HHLA2: variants seen among roughly 807,000 people sequenced by gnomAD.
HHLA2 encodes HHLA2 member of B7 family.
A neutral mutation model predicts 45.9 loss-of-function variants in HHLA2; 48 were observed. The observed-to-expected ratio is 1.05, with a 90% CI of 0.83 to 1.33. The LOEUF (loss-of-function observed/expected upper bound fraction) is 1.33. Among genes scored for constraint, HHLA2 ranks in the 40% most tolerant of loss-of-function variants. The pLI is 0.00. For synonymous variants in HHLA2, 161 were observed against 173.9 expected, an observed-to-expected ratio of 0.93 and a Z score of 0.59; for missense variants, 462 against 494.3, an observed-to-expected ratio of 0.93 and a Z score of 0.62.
intron 2 of HHLA2, among the ~76,000 whole-genome samples, chr3:108,315,101 A>G (rs1161830279): frequency 6.6e-6 from 1 of 152,158 alleles, no homozygotes; most frequent in Non-Finnish European, 1.5e-5. Flanking sequence ...CACGTTAAGC[A>G]TTTTATCAGA....
chr3:108,353,522 G>A (rs766894660), exon 5 of HHLA2: 1 of 1,612,354 alleles, frequency 6.2e-7, no homozygotes, highest in South Asian at 1.1e-5. Context: ...TTCTTCATTT[G>A]AGAGGGGATC....
At chr3:108,305,488 G>C (rs906035100) in intron 1 of HHLA2, among the ~76,000 whole-genome samples, 1 of 152,168 alleles carries the variant, frequency 6.6e-6, no homozygotes, top group Non-Finnish European at 1.5e-5. Flanking sequence ...CGTTCCTGTT[G>C]GTTAAAATTT....
At chr3:108,355,141 G>A in exon 6 of HHLA2, 1 of 1,613,162 alleles carries the variant, frequency 6.2e-7, no homozygotes, top group Non-Finnish European at 8.5e-7. Flanking sequence ...GATGAAGTAT[G>A]AAAAGAGGAA....
chr3:108,367,296 T>C (rs1241604036), intron 8 of HHLA2, among the ~76,000 whole-genome samples: 1 of 152,080 alleles, frequency 6.6e-6, no homozygotes, highest in Non-Finnish European at 1.5e-5. Flanking sequence ...GAATGCTTCT[T>C]CTCTTCCAAA....
chr3:108,339,752 C>A (rs1210019657), intron 3 of HHLA2, among the ~76,000 whole-genome samples: 3 of 152,116 alleles, frequency 2.0e-5, no homozygotes, highest in African/African-American at 7.2e-5. Flanking sequence ...CTTACGTGGT[C>A]TGCTCCTCTG....
At chr3:108,370,088 G>A (rs1285536171) in intron 8 of HHLA2, among the ~76,000 whole-genome samples, 3 of 152,140 alleles carry the variant, frequency 2.0e-5, no homozygotes, top group Admixed American at 6.5e-5. Flanking sequence ...CACCTCACAC[G>A]GCCGGGTACT....
chr3:108,365,590 A>G (rs2082050449), intron 8 of HHLA2, among the ~76,000 whole-genome samples: 2 of 152,076 alleles, frequency 1.3e-5, no homozygotes, highest in African/African-American at 4.8e-5. Flanking sequence ...TTTGGGCAGT[A>G]TGGCCATTTT....
intron 1 of HHLA2, among the ~76,000 whole-genome samples, chr3:108,308,876 G>A (rs145156321): frequency 1.3e-5 from 2 of 152,164 alleles, no homozygotes; most frequent in Admixed American, 6.5e-5. Flanking sequence ...TTCCTATAGA[G>A]TTATTTGAGC....
intron 9 of HHLA2, 30 bp from the exon 9 acceptor site, chr3:108,376,463 A>T: frequency 6.3e-7 from 1 of 1,577,574 alleles, no homozygotes; most frequent in Non-Finnish European, 8.6e-7. Context: ...CAAAGAAATT[A>T]TTTTTAAGTT....
chr3:108,325,471 T>C, intron 2 of HHLA2: 1 of 378,766 alleles, frequency 2.6e-6, no homozygotes, highest in Non-Finnish European at 5.2e-6. Context: ...TCTCTGGCTC[T>C]CCTCTCCTGT....
rs376120277 is a variant in HHLA2 at position 108,307,566 on chromosome 3, G to A, written c.-191-3089G>A. 1.4e-4 allele frequency among the ~76,000 whole-genome samples: 22 copies of A among 152,014 alleles called. No individual in the cohort carries two copies. The East Asian group carries it at 3.3e-3, about 23-fold the overall frequency. On this transcript the variant is annotated intron_variant, in intron 1 of 10. Transcript: ENST00000619531. ...GGAGAATCACTTGAAACAAGAAGAC[G>A]GAGGTTGCAGTCAGCCAAGATCACG...
chr3:108,353,630 A>G (rs1380413794), exon 5 of HHLA2: 1 of 1,613,804 alleles, frequency 6.2e-7, no homozygotes, highest in East Asian at 2.2e-5. Flanking sequence ...CAGATATGCA[A>G]ACAGGACATC....
At chr3:108,336,621 G>A (rs1320645344) in intron 3 of HHLA2, among the ~76,000 whole-genome samples, 1 of 152,126 alleles carries the variant, frequency 6.6e-6, no homozygotes, top group Non-Finnish European at 1.5e-5. Context: ...ACCTTGCCTA[G>A]TAAGGGGAGA....
Position 108,353,858 on chromosome 3 carries a change from G to A in HHLA2, c.418+78G>A, listed in dbSNP as rs140998419. 1.6e-4 allele frequency: 160 copies of A among 989,432 alleles called. 1 individual carries two copies. The Admixed American group carries it at 1.9e-3, about 12-fold the overall frequency. The allele number at this position is 989,432 out of a possible 1,614,324, so 61.3% of individuals were successfully genotyped here. On this transcript the variant is annotated intron_variant, in intron 5 of 10. Transcript: ENST00000619531. ...TTAGTAAGCGTCTTTTTCCTAATAT[G>A]CCATGAGCTTCCTTCCAAGTCAATA...
chr3:108,361,975 T>C (rs1412282450), intron 7 of HHLA2, among the ~76,000 whole-genome samples: 1 of 152,180 alleles, frequency 6.6e-6, no homozygotes, highest in Admixed American at 6.5e-5. Flanking sequence ...TATAAAGCAA[T>C]AGAAACTGAA....
At chr3:108,358,391 G>T (rs2081934658) in intron 7 of HHLA2, among the ~76,000 whole-genome samples, 1 of 152,056 alleles carries the variant, frequency 6.6e-6, no homozygotes. Context: ...CAGGATTTTG[G>T]GGCTTCAGAA....
At chr3:108,376,537 G>A (rs776635433) in exon 10 of HHLA2, 12 of 1,612,314 alleles carry the variant, frequency 7.4e-6, no homozygotes, top group East Asian at 2.2e-5. Flanking sequence ...CAGTGCACCC[G>A]ATAATGGCGA....
chr3:108,342,199 G>T (rs986889310), intron 3 of HHLA2, among the ~76,000 whole-genome samples: 4 of 150,534 alleles, frequency 2.7e-5, no homozygotes, highest in Non-Finnish European at 5.9e-5. Context: ...TCTTTTAATG[G>T]TATTCTATTA....
intron 7 of HHLA2, among the ~76,000 whole-genome samples, chr3:108,361,994 A>G (rs1179971204): frequency 6.6e-6 from 1 of 152,150 alleles, no homozygotes; most frequent in Non-Finnish European, 1.5e-5. Context: ...AAAATGCATA[A>G]TAGATGTATT....
Sources: allele counts gnomAD v4.1 joint callset (sites outside exome capture counted in the v4.1 genomes callset), GRCh38; gene constraint gnomAD v4.1.1; transcripts MANE v1.5; gene names NCBI Gene and HGNC (gene_info 2026-07-23, HGNC 2026-07-21).